Variants in TPR observed in about 807,000 individuals in gnomAD.
TPR encodes the protein nucleoprotein TPR.
TPR carries 51 observed loss-of-function variants against 316.1 expected under a neutral mutation model. The ratio of observed to expected loss-of-function variants is 0.16; its 90% confidence interval spans 0.13 to 0.20. The LOEUF is 0.20. TPR is among the 10% of genes least tolerant of loss of function. The pLI, the probability that TPR is intolerant of heterozygous loss-of-function variation, is 1.00. For synonymous variants in TPR, 981 were observed against 914.7 expected (o/e 1.07, Z -1.31); for missense variants, 2,272 against 2,754.8 (o/e 0.82, Z 3.92).
rs1658347073 is a variant in TPR at position 186,336,614 on chromosome 1, A to G, written c.4587T>C (p.Arg1529=). The change falls in exon 33 of 51, where the codon CGT becomes CGC. Residue 1529 remains arginine, a synonymous_variant. Coordinates refer to ENST00000367478, the MANE Select transcript of TPR (RefSeq NM_003292.3). The part of the protein sequence containing the change: ...VQLQSELSRL[R]QDLQDRTTQE... Reference sequence around the variant, plus strand: ...GTGTGGTTCTATCTTGAAGATCCTGACGAAGTCGTGAAAGTTCAGACTGAA... The same window carrying G: ...GTGTGGTTCTATCTTGAAGATCCTGGCGAAGTCGTGAAAGTTCAGACTGAA... 6.2e-7 allele frequency: 1 copy of G among 1,613,734 alleles called. No individual in the cohort carries two copies. Among genetic ancestry groups the G allele is most frequent in the South Asian group, 1.1e-5 (1 of 91,066 alleles).
At chr1:186,336,223 T>C (rs551111421) in intron 33 of TPR, among the ~76,000 whole-genome samples, 2 of 152,280 alleles carry the variant, frequency 1.3e-5, no homozygotes, top group East Asian at 3.9e-4. Context: ...CAAGATAGAA[T>C]TGTTATCCAT....
At chr1:186,335,241 CA>C in intron 34 of TPR, 96 bp downstream of exon 34, 1 of 1,541,956 alleles carries the variant, frequency 6.5e-7, no homozygotes, top group Non-Finnish European at 8.8e-7. Flanking sequence ...GAATTTTAGC[CA>C]AAATTCACTG....
rs749442596 is a variant in TPR, at chr1:186,334,350, G to A, written c.5157C>T (p.Pro1719=). ...CTTCCTGTGATTCCACTTGTGTAGTGGGCATCACTGTAGCTGTTGGGGTAG... is the reference window on the plus strand; with the variant it reads ...CTTCCTGTGATTCCACTTGTGTAGTAGGCATCACTGTAGCTGTTGGGGTAG... ...PTTTPTATVM[P]TTQVESQEAM... The change falls in exon 36 of 51, where the codon CCC becomes CCT. Residue 1719 remains proline (P), a synonymous_variant. Coordinates refer to ENST00000367478, the MANE Select transcript of TPR (RefSeq NM_003292.3). The A allele has an allele frequency of 3.1e-6, 5 of 1,613,168 alleles. No homozygotes were observed. Among genetic ancestry groups the A allele is most frequent in the Non-Finnish European group, 4.2e-6 (5 of 1,179,520 alleles).
At chr1:186,374,736 A>G in intron 1 of TPR, 142 bp downstream of exon 1, 2 of 851,286 alleles carry the variant, frequency 2.3e-6, no homozygotes, top group Non-Finnish European at 3.5e-6. Flanking sequence ...AAGGAGCAGG[A>G]AAGCGAAGGC....
intron 29 of TPR, among the ~76,000 whole-genome samples, chr1:186,339,977 A>C (rs1658464382): frequency 6.6e-6 from 1 of 152,218 alleles, no homozygotes; most frequent in South Asian, 2.1e-4. Context: ...GGAAAAAAAA[A>C]TAAAATGTCA....
intron 14 of TPR, 110 bp downstream of exon 14, chr1:186,357,287 A>C: frequency 2.9e-6 from 3 of 1,021,752 alleles, no homozygotes; most frequent in Non-Finnish European, 4.3e-6. Context: ...GGCTCAAATG[A>C]TACCCCATTT....
chr1:186,369,332 TACC>T (rs1412469348), intron 3 of TPR, among the ~76,000 whole-genome samples: 1 of 152,208 alleles, frequency 6.6e-6, no homozygotes, highest in Non-Finnish European at 1.5e-5. Flanking sequence ...TGAATCTTTT[TACC>T]ACTTTATAGT....
chr1:186,367,255 C>G (rs956542987), intron 4 of TPR, among the ~76,000 whole-genome samples: 1 of 151,750 alleles, frequency 6.6e-6, no homozygotes, highest in African/African-American at 2.4e-5. Flanking sequence ...TTAGTAGAGA[C>G]GGGGTTTCAC....
chr1:186,314,660 AC>A lies in TPR; in HGVS notation c.7004del (p.Gly2335ValfsTer13), dbSNP rs1382000735. ...RVRLQTTLRQ[G>X]VRGRQFNRQR... is the part of the protein sequence containing the mutation. ...GTCTGTTAAACTGACGACCACGGACACCTTGTCTCAATGTTGTCTGAAGTCT... is the reference window on the plus strand; with the variant it reads ...GTCTGTTAAACTGACGACCACGGACACTTGTCTCAATGTTGTCTGAAGTCT... On this transcript the variant is annotated frameshift_variant, in exon 50 of 51. Transcript: ENST00000367478. LOFTEE classifies it high-confidence loss of function. 1 of 1,612,724 alleles carries A rather than the reference AC, an allele frequency of 6.2e-7. No individual in the cohort carries two copies. The highest frequency in any genetic ancestry group is 8.5e-7 in the Non-Finnish European group (1 of 1,179,194).
At chr1:186,361,501 T>C in intron 9 of TPR, 121 bp downstream of exon 9, 1 of 870,358 alleles carries the variant, frequency 1.1e-6, no homozygotes, top group Non-Finnish European at 1.8e-6. Flanking sequence ...CTTTCTTCTG[T>C]ACCTAATTCT....
In TPR at chr1:186,356,337, T is replaced by C. The variant is rs367696273; in HGVS notation, c.1837A>G (p.Met613Val). ...GTTTGTGACAATAAAATACGGTACA[T>C]ATCACGCTGACGAACTATGGAATCA... ...LVDSIVRQRD[M>V]YRILLSQTTG... is the part of the protein sequence containing the mutation. Residue 613 changes from methionine to valine, a missense_variant, in exon 15 of 51, where the codon ATG becomes GTG. Met to Val is a conservative substitution (Grantham distance 21, BLOSUM62 1). This residue lies in a region of TPR where 757 missense variants were observed against 859.8 expected (regional missense o/e 0.88). Coordinates refer to ENST00000367478, the MANE Select transcript of TPR (RefSeq NM_003292.3). 6.2e-6 allele frequency: 10 copies of C among 1,613,592 alleles called. No homozygotes were observed. Among genetic ancestry groups the C allele is most frequent in the Non-Finnish European group, 7.6e-6 (9 of 1,179,776 alleles).
chr1:186,347,891 T>C (rs537788557), intron 21 of TPR, among the ~76,000 whole-genome samples: 4 of 152,204 alleles, frequency 2.6e-5, no homozygotes, highest in Admixed American at 1.3e-4. Context: ...ATAATACTTT[T>C]ATAATTTCTT....
Position 186,334,543 on chromosome 1 carries a change from G to A in TPR, c.4974-10C>T, listed in dbSNP as rs1658280813. ...GTCTGATGTGCTGGCACTTATAGAG[G>A]AGAAAATGGAAGAATAATTAATAAC... On this transcript the variant is annotated splice_polypyrimidine_tract_variant and intron_variant, in intron 35 of 50. Transcript: ENST00000367478. 6.2e-7 allele frequency: 1 copy of A among 1,604,270 alleles called. No homozygotes were observed. Among genetic ancestry groups the A allele is most frequent in the South Asian group, 1.1e-5 (1 of 90,694 alleles).
At position 186,355,630 on chromosome 1, in the gene TPR, T is replaced by C; in HGVS notation, c.2022+5A>G. ...CCTAACCCAGGACAAAGGTGTGATC[T>C]TTACCTGTTTAAGGGCAGCCTTAGC... On this transcript the variant is annotated splice_donor_5th_base_variant and intron_variant, in intron 16 of 50. Transcript: ENST00000367478. 1 of 1,614,116 alleles carries C rather than the reference T, an allele frequency of 6.2e-7. No individual in the cohort carries two copies. Among genetic ancestry groups the C allele is most frequent in the Non-Finnish European group, 8.5e-7 (1 of 1,180,004 alleles).
At chr1:186,336,395 C>T in intron 33 of TPR, 101 bp downstream of exon 33, 3 of 1,121,138 alleles carry the variant, frequency 2.7e-6, no homozygotes, top group Non-Finnish European at 3.9e-6. Context: ...CACAAACACC[C>T]TTCATAAGTA....
At chr1:186,314,836 T>C in intron 49 of TPR, 112 bp from the exon 50 acceptor site, 2 of 572,246 alleles carry the variant, frequency 3.5e-6, no homozygotes, top group Non-Finnish European at 5.7e-6. Flanking sequence ...ACTTGTTCAT[T>C]TGATTTCAAT....
chr1:186,357,480 T>C lies in TPR; in HGVS notation c.1641A>G (p.Gln547=), dbSNP rs1487728222. Residue 547 remains glutamine (Q), a synonymous_variant, in exon 14 of 51, where the codon CAA becomes CAG. Transcript: ENST00000367478. The part of the protein sequence containing the change: ...LVSYRNIEEL[Q]QQNQRLLVAL... ...CCACTAAGAGACGTTGATTTTGTTG[T>C]TGAAGCTCTTCAATATTTCTGTAAG... 4 of 1,614,166 alleles carry C rather than the reference T, an allele frequency of 2.5e-6. No individual in the cohort carries two copies. Among genetic ancestry groups the C allele is most frequent in the Admixed American group, 1.7e-5 (1 of 60,020 alleles).
At chr1:186,352,747 A>C (rs1393224033) in intron 18 of TPR, among the ~76,000 whole-genome samples, 1 of 152,184 alleles carries the variant, frequency 6.6e-6, no homozygotes, top group Non-Finnish European at 1.5e-5. Flanking sequence ...ACAGCCTTAT[A>C]AGAGCATTAT....
intron 40 of TPR, among the ~76,000 whole-genome samples, chr1:186,327,032 T>A (rs1479990116): frequency 2.1e-5 from 1 of 47,576 alleles, no homozygotes; most frequent in African/African-American, 8.2e-5. Flanking sequence ...ATTATATATA[T>A]AAATATATAT....
Sources: allele counts gnomAD v4.1 joint callset (sites outside exome capture counted in the v4.1 genomes callset), GRCh38; gene constraint gnomAD v4.1.1; regional missense constraint gnomAD v4.1.1; transcripts MANE v1.5; gene names NCBI Gene and HGNC (gene_info 2026-07-23, HGNC 2026-07-21).